The following CLUH variants were observed in gnomAD, a reference collection of about 807,000 sequenced individuals.
CLUH encodes the protein clustered mitochondria protein homolog.
In CLUH, 77 loss-of-function variants were observed where a neutral mutation model predicts 139.3. That is an observed-to-expected ratio of 0.55 (90% CI 0.46 to 0.67). The LOEUF (loss-of-function observed/expected upper bound fraction) is 0.67, where lower values mean the gene tolerates loss of function less well. Ranked by LOEUF, CLUH falls within the 30% of genes least tolerant of loss-of-function variation. The pLI is 0.00. For synonymous variants in CLUH, 999 were observed against 801.6 expected, an observed-to-expected ratio of 1.25 and a Z score of -4.16; for missense variants, 1,876 against 1,875.8, an observed-to-expected ratio of 1.00 and a Z score of 0.00.
In CLUH at chr17:2,691,912, A is replaced by G; in HGVS notation, c.3655-17T>C. The G allele has an allele frequency of 6.8e-7, 1 of 1,477,442 alleles. No homozygotes were observed. Among genetic ancestry groups the G allele is most frequent in the Non-Finnish European group, 9.0e-7 (1 of 1,115,120 alleles). The allele number at this position is 1,477,442 out of a possible 1,614,324, so 91.5% of individuals were successfully genotyped here. On this transcript the variant is annotated splice_polypyrimidine_tract_variant and intron_variant, in intron 23 of 25. Coordinates refer to ENST00000651024, the MANE Select transcript of CLUH (RefSeq NM_001366661.1). The stretch of plus-strand genomic sequence containing the variant: ...CTCGCCCAGCTGCGGGGAGGCGGGA[A>G]GGGATCAGGCCCCCCCGTGCCCCCG...
intron 1 of CLUH, among the ~76,000 whole-genome samples, chr17:2,709,645 A>C (rs565780805): frequency 6.6e-6 from 1 of 152,094 alleles, no homozygotes; most frequent in East Asian, 1.9e-4. Context: ...TATTCCCAGG[A>C]AGGTAACCAA....
chr17:2,698,064 C>A lies in CLUH; in HGVS notation c.1793G>T (p.Arg598Leu). The A allele has an allele frequency of 6.2e-7, 1 of 1,606,466 alleles. No homozygotes were observed. The highest frequency in any genetic ancestry group is 8.5e-7 in the Non-Finnish European group (1 of 1,178,822). ...ECKGIIGNDG[R>L]HYILDLLRTF... ...GCGCAGCAGGTCGAGGATGTAGTGG[C>A]GCCCGTCGTTGCCAATGATGCCCTT... Residue 598 changes from arginine (R) to leucine (L), a missense_variant, in exon 10 of 26, where the codon CGC becomes CTC. Coordinates refer to ENST00000651024, the MANE Select transcript of CLUH (RefSeq NM_001366661.1).
chr17:2,694,209 T>C lies in CLUH; in HGVS notation c.3005A>G (p.Asn1002Ser). The change falls in exon 18 of 26, where the codon AAC (asparagine) becomes AGC (serine). Residue 1002 changes from asparagine to serine, a missense_variant. By Grantham distance (46) the Asn-to-Ser change is conservative (BLOSUM62 1). Around this residue, in one of 3 missense-constraint regions of CLUH, gnomAD observed 1,454 missense variants for 1,384.4 expected, o/e 1.05. Coordinates refer to ENST00000651024, the MANE Select transcript of CLUH (RefSeq NM_001366661.1). ...KPAFTEEDVL[N>S]IFPVVKHVNP... ...GACGTGCTTGACCACGGGGAAGATG[T>C]TGAGCACGTCCTCCTCGGTGAACGC... 6.2e-7 allele frequency: 1 copy of C among 1,613,490 alleles called. No homozygotes were observed. The highest frequency in any genetic ancestry group is 8.5e-7 in the Non-Finnish European group (1 of 1,179,700).
chr17:2,693,489 C>T (rs569386003), intron 19 of CLUH, among the ~76,000 whole-genome samples: 90 of 151,088 alleles, frequency 6.0e-4, no homozygotes, highest in African/African-American at 2.1e-3. Flanking sequence ...ACATGCTAAC[C>T]CTGAAACAGC....
intron 25 of CLUH, 98 bp downstream of exon 25, chr17:2,691,511 G>A (rs1333243471): frequency 8.1e-6 from 10 of 1,240,152 alleles, no homozygotes; most frequent in African/African-American, 3.0e-5. Flanking sequence ...CAGTGAGCCG[G>A]GATGGCGCCG....
Position 2,696,876 on chromosome 17 carries a change from G to A in CLUH, c.2028C>T (p.Thr676=), listed in dbSNP as rs759400844. 6 of 1,612,870 alleles carry A rather than the reference G, an allele frequency of 3.7e-6. No homozygotes were observed. The highest frequency in any genetic ancestry group is 1.7e-5 in the Admixed American group (1 of 59,902). ...GACCACCATTTTCCAGGGAGGAGGGGGTCTCCAGCTGGCTGGCGTTCTGCT... is the reference window on the plus strand; with the variant it reads ...GACCACCATTTTCCAGGGAGGAGGGAGTCTCCAGCTGGCTGGCGTTCTGCT... ...LMQQNASQLE[T]PSSLENGGPS... Residue 676 remains threonine, a synonymous_variant, in exon 11 of 26, where the codon ACC becomes ACT. Transcript: ENST00000651024.
At chr17:2,693,022 T>C in intron 19 of CLUH, 162 bp from the exon 20 acceptor site, 2 of 556,500 alleles carry the variant, frequency 3.6e-6, no homozygotes. Flanking sequence ...CAGCAGCAGC[T>C]GCTGCCACAC....
rs769840776 is a variant in CLUH at position 2,696,180 on chromosome 17, G to C, written c.2370C>G (p.Leu790=). 7.7e-6 allele frequency: 12 copies of C among 1,565,916 alleles called. No individual in the cohort carries two copies. Among genetic ancestry groups the C allele is most frequent in the East Asian group, 2.4e-5 (1 of 42,144 alleles). The change falls in exon 13 of 26, where the codon CTC becomes CTG. Residue 790 remains leucine, a synonymous_variant. Transcript: ENST00000651024. Reference sequence around the variant, plus strand: ...TCACCAAGCCAGGGATCTGGCAGGAGAGCAGGAAGGCAGCCGCGTCCTTCA... The same window carrying C: ...TCACCAAGCCAGGGATCTGGCAGGACAGCAGGAAGGCAGCCGCGTCCTTCA... ...QLLKDAAAFL[L]SCQIPGLVKD... is the part of the protein sequence containing the mutation.
intron 13 of CLUH, chr17:2,695,885 C>A (rs1189503196): frequency 1.7e-6 from 1 of 584,634 alleles, no homozygotes; most frequent in Non-Finnish European, 3.0e-6. Context: ...TGGGCAGCCC[C>A]CACTGAGCTC....
Position 2,695,294 on chromosome 17 carries a change from G to C in CLUH, c.2545-14C>G, listed in dbSNP as rs1255265812. On this transcript the variant is annotated splice_polypyrimidine_tract_variant and intron_variant, in intron 14 of 25. Transcript: ENST00000651024. ...AATGCCGATTTTCTGGAAGGATTCA[G>C]AAGGGAGGTCTTGGTCAGGCCCCCG... The C allele has an allele frequency of 6.2e-7, 1 of 1,613,696 alleles. No homozygotes were observed. The highest frequency in any genetic ancestry group is 8.5e-7 in the Non-Finnish European group (1 of 1,179,848).
In CLUH at chr17:2,696,257, C is replaced by T. The variant is rs1198964783; in HGVS notation, c.2293G>A (p.Val765Ile). ...TCCTGGCAGGACTCAGGGAAACGAACCCCTGGAGGAGGGAGAGCAGAGAGG... is the reference window on the plus strand; with the variant it reads ...TCCTGGCAGGACTCAGGGAAACGAATCCCTGGAGGAGGGAGAGCAGAGAGG... ...RFNPDIFSPG[V>I]RFPESCQDEV... Residue 765 changes from valine (V) to isoleucine (I), a missense_variant and splice_region_variant, in exon 13 of 26, where the codon GTT becomes ATT. Val to Ile is a conservative substitution (Grantham distance 29). Transcript: ENST00000651024. 2 of 1,570,942 alleles carry T rather than the reference C, an allele frequency of 1.3e-6. No individual in the cohort carries two copies. The highest frequency in any genetic ancestry group is 2.7e-5 in the African/African-American group (2 of 73,848).
At chr17:2,691,972 GCC>G (rs752956639) in intron 23 of CLUH, 30 bp downstream of exon 23, 2 of 779,488 alleles carry the variant, frequency 2.6e-6, no homozygotes, top group African/African-American at 7.1e-5. Flanking sequence ...CCCCCGCCCC[GCC>G]CCCGCCCCCG....
At chr17:2,705,194 A>G (rs7209772) in intron 1 of CLUH, among the ~76,000 whole-genome samples, 80,561 of 151,918 alleles carry the variant, frequency 0.53, 22,457 homozygotes, top group Non-Finnish European at 0.62. Context: ...TTGCAGGGAC[A>G]GAACTCATCT....
chr17:2,694,826 A>AGCCC, intron 16 of CLUH, 31 bp downstream of exon 16: 1 of 796,174 alleles, frequency 1.3e-6, no homozygotes, highest in Non-Finnish European at 1.8e-6. Context: ...GCCCAATCCC[A>AGCCC]CCCACCCCAC....
chr17:2,696,677 G>T, intron 11 of CLUH, 42 bp downstream of exon 11: 2 of 1,602,454 alleles, frequency 1.2e-6, no homozygotes, highest in Non-Finnish European at 8.5e-7. Flanking sequence ...ACCCTGGCAG[G>T]GCCAGCCCGG....
chr17:2,690,237 G>A lies in CLUH; in HGVS notation c.*357C>T, dbSNP rs1021504755. ...GGAGTCACCCACTCAGGACTGGCTC[G>A]GGCTATGTACAGGGGAGAGGAACGG... On this transcript the variant is annotated 3_prime_UTR_variant, in exon 26 of 26. Transcript: ENST00000651024. The A allele has an allele frequency of 1.2e-5, 3 of 244,244 alleles. No homozygotes were observed. The highest frequency in any genetic ancestry group is 2.2e-5 in the African/African-American group (1 of 44,780). 15.1% of individuals were successfully genotyped at this position (244,244 alleles called of 1,614,324 possible).
intron 1 of CLUH, among the ~76,000 whole-genome samples, chr17:2,705,357 T>C (rs969246001): frequency 1.2e-4 from 19 of 152,072 alleles, no homozygotes; most frequent in African/African-American, 4.6e-4. Context: ...GCCCACTGCT[T>C]ACAAGACCAA....
intron 10 of CLUH, among the ~76,000 whole-genome samples, chr17:2,697,215 T>C (rs965337224): frequency 8.6e-5 from 13 of 151,892 alleles, no homozygotes; most frequent in Admixed American, 1.3e-4. Context: ...CTGACCACCA[T>C]GGAGAAACCC....
In CLUH at chr17:2,692,647, A is replaced by C; in HGVS notation, c.3362T>G (p.Leu1121Arg). The C allele has an allele frequency of 6.2e-7, 1 of 1,612,618 alleles. No individual in the cohort carries two copies. The highest frequency in any genetic ancestry group is 8.5e-7 in the Non-Finnish European group (1 of 1,179,412). ...CFASSQLSTA[L>R]SLLYRARYLM... is the part of the protein sequence containing the mutation. ...GTAGCGGGCGCGGTACAGCAGGCTCAGGGCGGTGGACAGCTGGCTGCTGGC... is the reference window on the plus strand; with the variant it reads ...GTAGCGGGCGCGGTACAGCAGGCTCCGGGCGGTGGACAGCTGGCTGCTGGC... The change falls in exon 21 of 26, where the codon CTG becomes CGG. Residue 1121 changes from leucine to arginine, a missense_variant. This residue lies in a region of CLUH where 1,454 missense variants were observed against 1,384.4 expected (regional missense o/e 1.05). Coordinates refer to ENST00000651024, the MANE Select transcript of CLUH (RefSeq NM_001366661.1).
Sources: gnomAD v4.1 joint callset for allele counts (sites outside exome capture counted in the v4.1 genomes callset) on GRCh38, gnomAD v4.1.1 for gene constraint, gnomAD v4.1.1 regional missense constraint, MANE v1.5 for transcripts, NCBI Gene and HGNC (gene_info 2026-07-23, HGNC 2026-07-21) for gene names.